Variants in GCNT4 observed in about 807,000 individuals in gnomAD.
GCNT4 encodes beta-1,3-galactosyl-O-glycosyl-glycoprotein beta-1,6-N-acetylglucosaminyltransferase 4.
GCNT4 carries 17 observed loss-of-function variants against 31.3 expected under a neutral mutation model. The ratio of observed to expected loss-of-function variants is 0.54; its 90% CI spans 0.37 to 0.81. GCNT4 has a LOEUF of 0.81. Among genes scored for constraint, GCNT4 ranks in the 40% least tolerant of loss-of-function variants. The probability of loss-of-function intolerance (pLI) is 0.00; values close to 1 mark genes in which losing one functional copy is unlikely to be tolerated. For synonymous variants in GCNT4, 158 were observed against 190.6 expected, an observed-to-expected ratio of 0.83 and a Z score of 1.41; for missense variants, 503 against 525.5, an observed-to-expected ratio of 0.96 and a Z score of 0.42.
chr5:75,022,650 A>G (rs549905266), downstream of GCNT4, among the ~76,000 whole-genome samples: 1 of 152,344 alleles, frequency 6.6e-6, no homozygotes, highest in Non-Finnish European at 1.5e-5. Flanking sequence ...CTGGAGTTTG[A>G]AAACCAGTGT....
downstream of GCNT4, among the ~76,000 whole-genome samples, chr5:75,023,114 G>C (rs1362209236): frequency 6.6e-6 from 1 of 152,190 alleles, no homozygotes; most frequent in Non-Finnish European, 1.5e-5. Flanking sequence ...GCAACTTCTA[G>C]ATCCTTCCTG....
chr5:75,031,799 C>T lies in GCNT4; in HGVS notation c.-1-1761G>A, dbSNP rs187402667. Among the ~76,000 whole-genome samples, 30 of 152,268 alleles carry T rather than the reference C, an allele frequency of 2.0e-4. No individual in the cohort carries two copies. The East Asian group carries it at 4.4e-3, about 23-fold the overall frequency. ...TACTTATAGGGAGCAGCAAGAAGGG[C>T]GGCCCAGGAAGTACTAGCCCAAGGC... On this transcript the variant is annotated intron_variant, in intron 3 of 3. Coordinates refer to ENST00000652361, the MANE Select transcript of GCNT4 (RefSeq NM_001366737.1).
intron 3 of GCNT4, among the ~76,000 whole-genome samples, chr5:75,047,005 C>T (rs1439527937): frequency 6.6e-6 from 1 of 152,174 alleles, no homozygotes; most frequent in African/African-American, 2.4e-5. Flanking sequence ...GTTACACAAC[C>T]CTTATCTTCC....
intron 3 of GCNT4, among the ~76,000 whole-genome samples, chr5:75,032,896 TGTGTGTGTGTGTG>T (rs1743101572): frequency 8.9e-6 from 1 of 112,536 alleles, no homozygotes; most frequent in African/African-American, 2.9e-5. Context: ...TGTGTGTGTG[TGTGTGTGTGTGTG>T]TGTGTGTGTG....
At chr5:75,018,676 C>T in the GCNT4 span, among the ~76,000 whole-genome samples, 8 of 152,152 alleles carry the variant, frequency 5.3e-5, no homozygotes, top group Non-Finnish European at 1.2e-4. Flanking sequence ...AATACCAGTA[C>T]TGGTTTAATT....
intron 3 of GCNT4, among the ~76,000 whole-genome samples, chr5:75,045,338 C>T (rs565793253): frequency 1.3e-5 from 2 of 152,308 alleles, no homozygotes; most frequent in South Asian, 2.1e-4. Context: ...TCTGTTTCTA[C>T]AAATTTGTTT....
chr5:75,038,045 T>C (rs915543160), intron 3 of GCNT4, among the ~76,000 whole-genome samples: 2 of 151,922 alleles, frequency 1.3e-5, no homozygotes, highest in Admixed American at 1.3e-4. Context: ...CAGTATATCC[T>C]TCCAGACTGG....
chr5:75,021,067 G>A (rs1450716487), downstream of GCNT4, among the ~76,000 whole-genome samples: 1 of 152,212 alleles, frequency 6.6e-6, no homozygotes, highest in Admixed American at 6.5e-5. Context: ...CACACAAAAA[G>A]GAGAGATTGA....
chr5:75,022,261 A>C (rs1047316534), downstream of GCNT4, among the ~76,000 whole-genome samples: 1 of 152,238 alleles, frequency 6.6e-6, no homozygotes, highest in African/African-American at 2.4e-5. Context: ...GAGGACCTAT[A>C]GTTACAGAAA....
At chr5:75,035,160 A>G (rs1445922201) in intron 3 of GCNT4, among the ~76,000 whole-genome samples, 1 of 152,178 alleles carries the variant, frequency 6.6e-6, no homozygotes, top group African/African-American at 2.4e-5. Flanking sequence ...AGCTAAGTGG[A>G]CACGACCGCA....
chr5:75,039,370 A>G (rs6453108), intron 3 of GCNT4, among the ~76,000 whole-genome samples: 15,464 of 152,278 alleles, frequency 0.1, 872 homozygotes, highest in East Asian at 0.17. Context: ...TTGGGATTAC[A>G]GGCGTGAGCC....
chr5:75,020,408 G>A (rs1580232159), downstream of GCNT4, among the ~76,000 whole-genome samples: 1 of 152,192 alleles, frequency 6.6e-6, no homozygotes, highest in Non-Finnish European at 1.5e-5. Flanking sequence ...TGTGCCCAGA[G>A]GGAAAGAGTT....
downstream of GCNT4, among the ~76,000 whole-genome samples, chr5:75,025,012 G>A (rs1742926553): frequency 6.7e-6 from 1 of 150,174 alleles, no homozygotes; most frequent in Non-Finnish European, 1.5e-5. Context: ...CAGGAAGTGA[G>A]GGACCTGAGA....
intron 3 of GCNT4, among the ~76,000 whole-genome samples, chr5:75,039,084 T>G (rs1228610150): frequency 6.6e-6 from 1 of 152,024 alleles, no homozygotes; most frequent in African/African-American, 2.4e-5. Flanking sequence ...TTTTTTTTGT[T>G]TTGTTTTGTT....
At chr5:75,051,685 G>A (rs1293081686) in intron 2 of GCNT4, among the ~76,000 whole-genome samples, 1 of 152,216 alleles carries the variant, frequency 6.6e-6, no homozygotes, top group Admixed American at 6.5e-5. Context: ...CACTTGGCCA[G>A]GTGCCATAAA....
chr5:75,049,039 T>G (rs1005470921), intron 2 of GCNT4, among the ~76,000 whole-genome samples: 2 of 152,240 alleles, frequency 1.3e-5, no homozygotes, highest in African/African-American at 4.8e-5. Flanking sequence ...TGTAATACTC[T>G]GTAGTTCTAA....
rs55942109 is a variant in GCNT4, at chr5:75,032,872, G to GGTGGGTGTGTGTGTGT, written c.-1-2835_-1-2834insACACACACACACCCAC. The stretch of plus-strand genomic sequence containing the variant: ...AGAAGACTAATCAATCCCAAATAGG[G>GGTGGGTGTGTGTGTGT]GTGTGTGTGTGTGTGTGTGTGTGTG... On this transcript the variant is annotated intron_variant, in intron 3 of 3. Transcript: ENST00000652361. Among the ~76,000 whole-genome samples the GGTGGGTGTGTGTGTGT allele has an allele frequency of 3.2e-3, 412 of 130,746 alleles. 9 individuals are homozygous for GGTGGGTGTGTGTGTGT. Among genetic ancestry groups the GGTGGGTGTGTGTGTGT allele is most frequent in the Non-Finnish European group, 4.8e-3 (283 of 59,044 alleles). The allele number at this position is 130,746 out of a possible 152,430, so 85.8% of individuals were successfully genotyped here. A position where few individuals can be genotyped will look rare whatever the true frequency, so the allele number is the denominator to read the frequency against.
downstream of GCNT4, among the ~76,000 whole-genome samples, chr5:75,022,277 C>T (rs887234081): frequency 6.6e-6 from 1 of 152,122 alleles, no homozygotes; most frequent in African/African-American, 2.4e-5. Flanking sequence ...AGAAATGCAT[C>T]AAATTTGGTC....
the GCNT4 span, among the ~76,000 whole-genome samples, chr5:75,017,026 A>G: frequency 9.9e-3 from 1,510 of 152,302 alleles, 26 homozygotes; most frequent in African/African-American, 0.035. Context: ...AATCTCTGAC[A>G]TAGTTGTTTG....
Sources: gnomAD v4.1 joint callset for allele counts (sites outside exome capture counted in the v4.1 genomes callset) on GRCh38, gnomAD v4.1.1 for gene constraint, MANE v1.5 for transcripts, NCBI Gene and HGNC (gene_info 2026-07-23, HGNC 2026-07-21) for gene names.